Variants in EIF2S2 observed in about 807,000 individuals in gnomAD.
The protein encoded by EIF2S2 is eukaryotic translation initiation factor 2 subunit beta.
In EIF2S2, 4 loss-of-function variants were observed where a neutral mutation model predicts 44.0. The ratio of observed to expected loss-of-function variants is 0.09; its 90% CI spans 0.04 to 0.21. The LOEUF is 0.21. EIF2S2 is among the 10% of genes least tolerant of loss of function. EIF2S2 has a pLI of 1.00. For synonymous variants in EIF2S2, 108 were observed against 128.3 expected, an observed-to-expected ratio of 0.84 and a Z score of 1.07; for missense variants, 154 against 392.0, an observed-to-expected ratio of 0.39 and a Z score of 5.13.
chr20:34,089,437 G>C lies in EIF2S2; in HGVS notation c.*293C>G. On this transcript the variant is annotated 3_prime_UTR_variant, in exon 9 of 9. Transcript: ENST00000374980. ...AACTGAAGGACAAACCAAATTGAAAGAATCACTGTTATAATAACTTTAATT... is the reference window on the plus strand; with the variant it reads ...AACTGAAGGACAAACCAAATTGAAACAATCACTGTTATAATAACTTTAATT... 1 of 313,434 alleles carries C rather than the reference G, an allele frequency of 3.2e-6. No homozygotes were observed. Among genetic ancestry groups the C allele is most frequent in the Non-Finnish European group, 5.8e-6 (1 of 173,344 alleles). The allele number at this position is 313,434 out of a possible 1,614,324, so 19.4% of individuals were successfully genotyped here.
At chr20:34,108,121 G>C (rs1176122715) in intron 1 of EIF2S2, 1 of 152,136 alleles carries the variant, frequency 6.6e-6, no homozygotes, top group Non-Finnish European at 1.5e-5. Context: ...CAAGCATCAA[G>C]TTCCCTAGAA....
chr20:34,110,096 C>CAAAAA (rs11167227), intron 1 of EIF2S2, among the ~76,000 whole-genome samples: 2 of 86,192 alleles, frequency 2.3e-5, no homozygotes, highest in African/African-American at 4.3e-5. Flanking sequence ...AATTCCATCT[C>CAAAAA]AAAAAAAAAA....
intron 7 of EIF2S2, among the ~76,000 whole-genome samples, chr20:34,091,787 G>GC (rs2034168476): frequency 7.2e-6 from 1 of 138,374 alleles, no homozygotes; most frequent in Non-Finnish European, 1.6e-5. Context: ...GGGGGGGGGG[G>GC]GTCCAAGGGT....
chr20:34,107,774 T>TA (rs1292312849), intron 1 of EIF2S2, among the ~76,000 whole-genome samples: 1 of 152,234 alleles, frequency 6.6e-6, no homozygotes, highest in African/African-American at 2.4e-5. Context: ...GTAATACAGT[T>TA]ACTGTCCTTG....
At chr20:34,103,335 C>G (rs554167414) in intron 3 of EIF2S2, 127 bp downstream of exon 3, 1 of 1,268,642 alleles carries the variant, frequency 7.9e-7, no homozygotes, top group South Asian at 1.4e-5. Context: ...AATGACGCTA[C>G]CAGTGGCAAT....
chr20:34,101,143 G>A (rs1269048063), intron 3 of EIF2S2, among the ~76,000 whole-genome samples: 1 of 152,154 alleles, frequency 6.6e-6, no homozygotes, highest in Non-Finnish European at 1.5e-5. Context: ...GCCACATGTG[G>A]CTATCAAGAC....
chr20:34,101,823 C>G (rs950207234), intron 3 of EIF2S2, among the ~76,000 whole-genome samples: 4 of 151,872 alleles, frequency 2.6e-5, no homozygotes, highest in Non-Finnish European at 5.9e-5. Flanking sequence ...TACAGGTGTG[C>G]ACCACCACAC....
intron 1 of EIF2S2, among the ~76,000 whole-genome samples, chr20:34,109,939 C>CA (rs1001405232): frequency 1.2e-4 from 18 of 144,406 alleles, no homozygotes; most frequent in Admixed American, 2.8e-4. Flanking sequence ...ACTAAAAATA[C>CA]AAAAAAAAAA....
chr20:34,107,159 CAG>C (rs2034359301), intron 1 of EIF2S2, among the ~76,000 whole-genome samples: 1 of 151,398 alleles, frequency 6.6e-6, no homozygotes, highest in Non-Finnish European at 1.5e-5. Flanking sequence ...GCCTGGGTGA[CAG>C]AGCAAGACTC....
rs1396451599 is a variant in EIF2S2 at position 34,112,182 on chromosome 20, T to C, written c.-72A>G. On this transcript the variant is annotated 5_prime_UTR_variant, in exon 1 of 9. Transcript: ENST00000374980. ...CAGCCCCAGGCCCCGGCGGCAGCGC[T>C]GCCCCTGCCGATACCTCTCCCACCA... 2 of 1,466,032 alleles carry C rather than the reference T, an allele frequency of 1.4e-6. No homozygotes were observed. Among genetic ancestry groups the C allele is most frequent in the South Asian group, 1.3e-5 (1 of 77,414 alleles). The allele number at this position is 1,466,032 out of a possible 1,614,324, so 90.8% of individuals were successfully genotyped here. A position where few individuals can be genotyped will look rare whatever the true frequency, so the allele number is the denominator to read the frequency against.
At chr20:34,097,337 G>A (rs893961667) in intron 5 of EIF2S2, 79 bp downstream of exon 5, 45 of 1,237,646 alleles carry the variant, frequency 3.6e-5, no homozygotes, top group South Asian at 3.5e-4. Flanking sequence ...TTCAACGGCC[G>A]TTCCAATAAG....
At position 34,110,653 on chromosome 20, in the gene EIF2S2, C is replaced by A. The variant is rs77110372; in HGVS notation, c.15+1443G>T. Reference sequence around the variant, plus strand: ...AGCCTAATCCCACTGATCCCTCTAGCCCTCCAAGTCACTACGTTGATGGTC... The same window carrying A: ...AGCCTAATCCCACTGATCCCTCTAGACCTCCAAGTCACTACGTTGATGGTC... On this transcript the variant is annotated intron_variant, in intron 1 of 8. Coordinates refer to ENST00000374980, the MANE Select transcript of EIF2S2 (RefSeq NM_003908.5). Among the ~76,000 whole-genome samples the A allele has an allele frequency of 4.9e-3, 746 of 152,314 alleles. 16 individuals are homozygous for A. Among genetic ancestry groups the A allele is most frequent in the East Asian group, 0.047 (246 of 5,180 alleles).
chr20:34,102,712 G>A (rs1409492774), intron 3 of EIF2S2, among the ~76,000 whole-genome samples: 2 of 152,164 alleles, frequency 1.3e-5, no homozygotes, highest in Admixed American at 6.5e-5. Context: ...CTATGTGAGT[G>A]AGTGTGTGTA....
intron 1 of EIF2S2, among the ~76,000 whole-genome samples, chr20:34,110,110 A>C (rs1203536177): frequency 1.3e-5 from 2 of 151,984 alleles, no homozygotes; most frequent in Non-Finnish European, 2.9e-5. Flanking sequence ...AAAAAAAAAA[A>C]AAAAACAGAA....
Position 34,090,440 on chromosome 20 carries a change from C to T in EIF2S2, c.826+77G>A, listed in dbSNP as rs915283858. 1.0e-4 allele frequency: 90 copies of T among 903,474 alleles called. No homozygotes were observed. In the African/African-American group the frequency reaches 1.5e-3, roughly 15 times the overall value. The allele number at this position is 903,474 out of a possible 1,614,324, so 56.0% of individuals were successfully genotyped here. A position where few individuals can be genotyped will look rare whatever the true frequency, so the allele number is the denominator to read the frequency against. ...CCAGCTTTTCCCAGCTCACTGCAATCAAATGGCTCTTCCTCTAACACTGCA... is the reference window on the plus strand; with the variant it reads ...CCAGCTTTTCCCAGCTCACTGCAATTAAATGGCTCTTCCTCTAACACTGCA... On this transcript the variant is annotated intron_variant, in intron 8 of 8. Transcript: ENST00000374980.
intron 3 of EIF2S2, among the ~76,000 whole-genome samples, chr20:34,101,609 G>GT (rs1431675300): frequency 2.0e-5 from 3 of 151,640 alleles, no homozygotes; most frequent in African/African-American, 7.3e-5. Flanking sequence ...TTTTATCCCA[G>GT]TAAGATCTAC....
intron 7 of EIF2S2, among the ~76,000 whole-genome samples, chr20:34,092,077 C>G (rs1408397771): frequency 6.6e-6 from 1 of 152,084 alleles, no homozygotes; most frequent in Non-Finnish European, 1.5e-5. Flanking sequence ...AGTGAAACAA[C>G]AAAATTCAGT....
At chr20:34,109,603 T>G (rs1287489572) in intron 1 of EIF2S2, among the ~76,000 whole-genome samples, 1 of 151,592 alleles carries the variant, frequency 6.6e-6, no homozygotes, top group African/African-American at 2.4e-5. Flanking sequence ...GAGGCCACAG[T>G]GAGCTATGAT....
chr20:34,101,208 G>T (rs2034291324), intron 3 of EIF2S2, among the ~76,000 whole-genome samples: 1 of 152,194 alleles, frequency 6.6e-6, no homozygotes, highest in South Asian at 2.1e-4. Context: ...ACTTTGGGAG[G>T]CCAAGGCAGG....
Sources: gnomAD v4.1 joint callset for allele counts (sites outside exome capture counted in the v4.1 genomes callset) on GRCh38, gnomAD v4.1.1 for gene constraint, MANE v1.5 for transcripts, NCBI Gene and HGNC (gene_info 2026-07-23, HGNC 2026-07-21) for gene names.